Variants in CHERP observed in about 807,000 individuals in gnomAD.
CHERP encodes calcium homeostasis endoplasmic reticulum protein, also known as ERPROT 213-21.
A neutral mutation model predicts 113.8 loss-of-function variants in CHERP; 8 were observed. The ratio of observed to expected loss-of-function variants is 0.07; its 90% CI spans 0.04 to 0.13. CHERP has a LOEUF of 0.13. CHERP is among the 10% of genes least tolerant of loss of function. The probability of loss-of-function intolerance (pLI) is 1.00; values close to 1 mark genes in which losing one functional copy is unlikely to be tolerated. For missense variants in CHERP, 884 were observed against 1,298.2 expected (o/e 0.68, Z 4.90); for synonymous variants, 559 against 524.5 (o/e 1.07, Z -0.90).
chr19:16,525,361 G>C lies in CHERP; in HGVS notation c.1622C>G (p.Pro541Arg), dbSNP rs1006782850. 1 of 1,490,034 alleles carries C rather than the reference G, an allele frequency of 6.7e-7. No individual in the cohort carries two copies. The allele number at this position is 1,490,034 out of a possible 1,614,324, so 92.3% of individuals were successfully genotyped here. A position where few individuals can be genotyped will look rare whatever the true frequency, so the allele number is the denominator to read the frequency against. The part of the protein sequence containing the change: ...QHPQFNQPPH[P>R]HNFNRFPPRF... Reference sequence around the variant, plus strand: ...GGGCGGGAAGCGGTTGAAGTTGTGGGGGTGCGGAGGCTGGTTGAACTGCGG... The same window carrying C: ...GGGCGGGAAGCGGTTGAAGTTGTGGCGGTGCGGAGGCTGGTTGAACTGCGG... Residue 541 changes from proline (P) to arginine (R), a missense_variant, in exon 10 of 17, where the codon CCC becomes CGC. By Grantham distance (103) the Pro-to-Arg change is moderately radical. Transcript: ENST00000546361. This position sits in a 1 kb window ranked among gnomAD's most constrained non-coding sequence, Gnocchi z 6.5.
At chr19:16,534,390 T>C (rs2085727699) in intron 3 of CHERP, among the ~76,000 whole-genome samples, 1 of 152,224 alleles carries the variant, frequency 6.6e-6, no homozygotes, top group East Asian at 1.9e-4. Context: ...TTTTATGCCC[T>C]GAACCTAGTA....
At chr19:16,541,147 C>T (rs1018505585) in intron 2 of CHERP, 1 of 152,152 alleles carries the variant, frequency 6.6e-6, no homozygotes, top group African/African-American at 2.4e-5. Flanking sequence ...TACCTTAATA[C>T]ATAACACACA....
At chr19:16,528,762 G>C (rs569820795) in intron 8 of CHERP, among the ~76,000 whole-genome samples, 1 of 152,276 alleles carries the variant, frequency 6.6e-6, no homozygotes, top group South Asian at 2.1e-4. Flanking sequence ...GACCATCCTG[G>C]CTAACACGGT....
intron 11 of CHERP, among the ~76,000 whole-genome samples, chr19:16,522,350 C>T (rs139726436): frequency 0.019 from 2,817 of 152,264 alleles, 41 homozygotes; most frequent in Middle Eastern, 0.051. Context: ...GCTCCGCCTC[C>T]CGGGTTCATG....
rs2085571004 is a variant in CHERP, at chr19:16,518,560, C to T, written c.*599G>A. The T allele has an allele frequency of 1.3e-5, 2 of 152,548 alleles. No individual in the cohort carries two copies. The highest frequency in any genetic ancestry group is 4.8e-5 in the African/African-American group (2 of 41,462). 9.4% of individuals were successfully genotyped at this position (152,548 alleles called of 1,614,324 possible). ...GGCCTCCTCTCAGGTCAGTATTCTTCTTTCTAGACCTAAACCAAGGAGAGT... is the reference window on the plus strand; with the variant it reads ...GGCCTCCTCTCAGGTCAGTATTCTTTTTTCTAGACCTAAACCAAGGAGAGT... On this transcript the variant is annotated 3_prime_UTR_variant, in exon 17 of 17. Transcript: ENST00000546361.
At position 16,519,687 on chromosome 19, in the gene CHERP, C is replaced by T. The variant is rs2085589308; in HGVS notation, c.2491G>A (p.Ala831Thr). 7 of 1,613,958 alleles carry T rather than the reference C, an allele frequency of 4.3e-6. No individual in the cohort carries two copies. The highest frequency in any genetic ancestry group is 5.9e-6 in the Non-Finnish European group (7 of 1,179,920). ...AGCCTTGAGTCAGGGATGGGAGGCG[C>T]CGAATTAGAACCCAGACCAGCAGAG... ...PSSAGLGSNS[A>T]PPIPDSRLGE... The change falls in exon 16 of 17, where the codon GCG becomes ACG. Residue 831 changes from alanine (A) to threonine (T), a missense_variant. This residue lies in a region of CHERP where 159 missense variants were observed against 185.8 expected (regional missense o/e 0.86). Coordinates refer to ENST00000546361, the MANE Select transcript of CHERP (RefSeq NM_006387.6). The surrounding 1 kb of genome is among the most constrained non-coding windows in gnomAD (Gnocchi z 6.0).
rs1033881290 is a variant in CHERP, at chr19:16,525,044, C to T, written c.1741+198G>A. On this transcript the variant is annotated intron_variant, in intron 10 of 16. Transcript: ENST00000546361. This position sits in a 1 kb window ranked among gnomAD's most constrained non-coding sequence, Gnocchi z 6.5. Reference sequence around the variant, plus strand: ...TCTGCCTCATCTGCAGCCAGCCGGGCCTCATCAGGGCGGCAAAACTGAGTC... The same window carrying T: ...TCTGCCTCATCTGCAGCCAGCCGGGTCTCATCAGGGCGGCAAAACTGAGTC... Among the ~76,000 whole-genome samples the T allele has an allele frequency of 2.6e-5, 4 of 152,222 alleles. No homozygotes were observed.
intron 11 of CHERP, among the ~76,000 whole-genome samples, chr19:16,522,243 C>T (rs541355419): frequency 3.0e-4 from 45 of 151,944 alleles, no homozygotes; most frequent in Admixed American, 1.0e-3. Context: ...CCCCAAGCCC[C>T]GGCCCTGGCC....
chr19:16,533,006 C>T lies in CHERP; in HGVS notation c.522+5G>A, dbSNP rs1236434282. On this transcript the variant is annotated splice_donor_5th_base_variant and intron_variant, in intron 4 of 16. Transcript: ENST00000546361. ...GCTGGGCTCTGGGAAGTGCTGGCCC[C>T]TCACCGAGATGGCGTCCTTGGTGCA... 2 of 1,563,732 alleles carry T rather than the reference C, an allele frequency of 1.3e-6. No homozygotes were observed. Among genetic ancestry groups the T allele is most frequent in the Admixed American group, 1.9e-5 (1 of 52,288 alleles).
rs950009965 is a variant in CHERP, at chr19:16,524,808, G to A, written c.1741+434C>T. ...AGACAGCGGTCTGTCGCCCAGGGTG[G>A]AGTACAGTGGTGCGATCACAGCTCA... On this transcript the variant is annotated intron_variant, in intron 10 of 16. Coordinates refer to ENST00000546361, the MANE Select transcript of CHERP (RefSeq NM_006387.6). 2.6e-5 allele frequency among the ~76,000 whole-genome samples: 4 copies of A among 151,706 alleles called. No individual in the cohort carries two copies. In the South Asian group the frequency reaches 8.3e-4, roughly 32 times the overall value.
chr19:16,521,003 T>C, intron 12 of CHERP, 91 bp from the exon 13 acceptor site: 1 of 1,112,508 alleles, frequency 9.0e-7, no homozygotes, highest in Non-Finnish European at 1.4e-6. Flanking sequence ...CACAGAACCT[T>C]GGAGAGTACA....
chr19:16,540,166 C>T (rs1325398051), intron 2 of CHERP, among the ~76,000 whole-genome samples: 2 of 152,124 alleles, frequency 1.3e-5, no homozygotes, highest in Non-Finnish European at 2.9e-5. Flanking sequence ...CAGGTTCAAG[C>T]GATTCTCCTG....
intron 2 of CHERP, among the ~76,000 whole-genome samples, chr19:16,539,396 C>T (rs1281084378): frequency 6.6e-6 from 1 of 152,162 alleles, no homozygotes; most frequent in Non-Finnish European, 1.5e-5. Context: ...ATCCGCCCGC[C>T]TCGGCCTCCC....
In CHERP at chr19:16,520,451, G is replaced by A; in HGVS notation, c.2258C>T (p.Ser753Phe). 1.2e-6 allele frequency: 2 copies of A among 1,614,090 alleles called. No individual in the cohort carries two copies. Among genetic ancestry groups the A allele is most frequent in the Non-Finnish European group, 1.7e-6 (2 of 1,180,038 alleles). Residue 753 changes from serine to phenylalanine, a missense_variant, in exon 14 of 17, where the codon TCC (serine) becomes TTC (phenylalanine). Coordinates refer to ENST00000546361, the MANE Select transcript of CHERP (RefSeq NM_006387.6). The surrounding 1 kb of genome is among the most constrained non-coding windows in gnomAD (Gnocchi z 4.0). ...TGAAGACTTGGAGGATCTTGAGTTG[G>A]AGCGGGAGGAAGAACGCCCTCGACT... ...SKSRGRSSSR[S>F]NSRSSKSSGS... is the part of the protein sequence containing the mutation.
intron 9 of CHERP, among the ~76,000 whole-genome samples, chr19:16,526,915 C>T (rs2085661203): frequency 6.6e-6 from 1 of 152,102 alleles, no homozygotes; most frequent in Admixed American, 6.6e-5. Flanking sequence ...GTGTGCACCA[C>T]CATGCCAGCT....
chr19:16,522,295 C>A (rs1164441055), intron 11 of CHERP, among the ~76,000 whole-genome samples: 2 of 150,734 alleles, frequency 1.3e-5, no homozygotes, highest in South Asian at 2.1e-4. Context: ...GAGTCCTGCT[C>A]TCGCCCAGGC....
chr19:16,542,236 G>A lies in CHERP; in HGVS notation c.25+118C>T, dbSNP rs1432946850. 4.5e-6 allele frequency: 5 copies of A among 1,121,060 alleles called. No homozygotes were observed. In the African/African-American group the frequency reaches 6.7e-5, roughly 15 times the overall value. 69.4% of individuals were successfully genotyped at this position (1,121,060 alleles called of 1,614,324 possible). ...CGGGGACCCACGGGAGAGGCCGCAG[G>A]CGAAGCCGCGAGGCCGAGCCCCGCC... On this transcript the variant is annotated intron_variant, in intron 1 of 16. Transcript: ENST00000546361.
chr19:16,520,312 GGA>G lies in CHERP; in HGVS notation c.2346-49_2346-48del. On this transcript the variant is annotated intron_variant, in intron 14 of 16. Transcript: ENST00000546361. The surrounding 1 kb of genome is among the most constrained non-coding windows in gnomAD (Gnocchi z 4.0). ...GGTCAGCAGCAGCCAGGCGTCGTGG[GGA>G]GGCCACAGGAAGAGGCCTCAGGCAC... is the stretch of plus-strand genomic sequence containing the variant. 1 of 1,610,788 alleles carries G rather than the reference GGA, an allele frequency of 6.2e-7. No homozygotes were observed. Among genetic ancestry groups the G allele is most frequent in the Non-Finnish European group, 8.5e-7 (1 of 1,177,730 alleles).
At position 16,523,300 on chromosome 19, in the gene CHERP, A is replaced by G; in HGVS notation, c.1742-10T>C. ...TGAGGGGGCCCCATTTCTGCAAAAC[A>G]GAGACTTGCCTCAGGACCACAGGCC... On this transcript the variant is annotated splice_polypyrimidine_tract_variant and intron_variant, in intron 10 of 16. Transcript: ENST00000546361. This position sits in a 1 kb window ranked among gnomAD's most constrained non-coding sequence, Gnocchi z 4.0. The G allele has an allele frequency of 1.2e-6, 2 of 1,602,678 alleles. No individual in the cohort carries two copies. Among genetic ancestry groups the G allele is most frequent in the Non-Finnish European group, 1.7e-6 (2 of 1,175,538 alleles).
Sources: allele counts gnomAD v4.1 joint callset (sites outside exome capture counted in the v4.1 genomes callset), GRCh38; gene constraint gnomAD v4.1.1; regional missense constraint gnomAD v4.1.1; non-coding constraint Gnocchi (gnomAD v3.1); transcripts MANE v1.5; gene names NCBI Gene and HGNC (gene_info 2026-07-23, HGNC 2026-07-21).